Variants in ODF2 observed in about 807,000 individuals in gnomAD.
ODF2 encodes the protein outer dense fiber protein 2.
ODF2 carries 47 observed loss-of-function variants against 110.2 expected under a neutral mutation model. The ratio of observed to expected loss-of-function variants is 0.43; its 90% CI spans 0.34 to 0.54. The LOEUF (loss-of-function observed/expected upper bound fraction) is 0.54, where lower values mean the gene tolerates loss of function less well. Ranked by LOEUF, ODF2 falls within the 20% of genes least tolerant of loss-of-function variation. The probability of loss-of-function intolerance (pLI) is 0.03; values close to 1 mark genes in which losing one functional copy is unlikely to be tolerated. For synonymous variants in ODF2, 352 were observed against 397.7 expected (o/e 0.89, Z 1.37); for missense variants, 812 against 1,054.5 (o/e 0.77, Z 3.19).
intron 12 of ODF2, 21 bp downstream of exon 12, chr9:128,484,907 A>T (rs369034153): frequency 1.2e-6 from 2 of 1,608,196 alleles, no homozygotes; most frequent in African/African-American, 2.7e-5. Context: ...CGCGGTGCCC[A>T]GCTCCTCACC....
chr9:128,456,768 T>TCCCCCCCCCCC, intron 1 of ODF2: 1 of 832,094 alleles, frequency 1.2e-6, no homozygotes, highest in Non-Finnish European at 1.4e-6. Context: ...CGGGGGGGGG[T>TCCCCCCCCCCC]CCCGCCCGCC....
intron 3 of ODF2, 63 bp downstream of exon 2, chr9:128,459,720 C>A (rs1055193280): frequency 5.4e-6 from 7 of 1,301,968 alleles, no homozygotes; most frequent in Non-Finnish European, 5.5e-6. Context: ...TTTTGCACAC[C>A]GTTTCTAGGA....
intron 18 of ODF2, among the ~76,000 whole-genome samples, chr9:128,497,336 C>G (rs1274957512): frequency 1.4e-5 from 2 of 145,152 alleles, no homozygotes; most frequent in Admixed American, 1.4e-4. Context: ...GCCTGTAATC[C>G]CAGCGTTTTG....
chr9:128,491,788 T>C (rs2132208414), intron 14 of ODF2, among the ~76,000 whole-genome samples: 1 of 152,294 alleles, frequency 6.6e-6, no homozygotes, highest in African/African-American at 2.4e-5. Flanking sequence ...AACGAAAAAG[T>C]TATGCAGCTA....
intron 14 of ODF2, among the ~76,000 whole-genome samples, chr9:128,490,496 G>A (rs950707043): frequency 1.3e-5 from 2 of 152,096 alleles, no homozygotes; most frequent in African/African-American, 4.8e-5. Flanking sequence ...CGTTGGCCAG[G>A]CTGGTCTCGA....
chr9:128,461,042 C>T, exon 4 of ODF2: 2 of 1,614,162 alleles, frequency 1.2e-6, no homozygotes, highest in African/African-American at 1.3e-5. Context: ...AAATCATCTG[C>T]CCGGCCTGTG....
upstream of ODF2, chr9:128,456,134 C>A (rs1223032036): frequency 9.0e-6 from 14 of 1,547,578 alleles, no homozygotes; most frequent in Admixed American, 2.6e-4. Flanking sequence ...GAGGCGGAAG[C>A]GGGGAGGAGC....
intron 5 of ODF2, among the ~76,000 whole-genome samples, chr9:128,470,757 T>C (rs978692866): frequency 9.9e-5 from 15 of 152,134 alleles, no homozygotes; most frequent in Non-Finnish European, 1.9e-4. Flanking sequence ...CACAAGTCAC[T>C]GGGGCTCTCT....
intron 4 of ODF2, among the ~76,000 whole-genome samples, chr9:128,467,466 T>C (rs935140871): frequency 1.9e-4 from 29 of 151,970 alleles, no homozygotes; most frequent in Admixed American, 1.6e-3. Context: ...TATACATACC[T>C]GGATGTGGTG....
At chr9:128,461,143 G>T in intron 4 of ODF2, 76 bp downstream of exon 4, 1 of 1,548,728 alleles carries the variant, frequency 6.5e-7, no homozygotes, top group Non-Finnish European at 8.8e-7. Context: ...GTATGATTCA[G>T]GGTCAGCTAT....
intron 1 of ODF2, chr9:128,457,164 G>T (rs756941061): frequency 5.4e-6 from 8 of 1,486,822 alleles, no homozygotes; most frequent in Non-Finnish European, 7.2e-6. Flanking sequence ...CCCCCAGGTC[G>T]CTCAGCCTCT....
chr9:128,473,738 A>G (rs1840601116), exon 8 of ODF2: 1 of 1,612,934 alleles, frequency 6.2e-7, no homozygotes, highest in African/African-American at 1.3e-5. Flanking sequence ...AGCACTGCAA[A>G]GAGGTGAGCT....
intron 3 of ODF2, chr9:128,460,274 G>A (rs148822454): frequency 3.0e-4 from 406 of 1,360,658 alleles, no homozygotes; most frequent in Admixed American, 4.6e-4. Flanking sequence ...CCCTGGGGCC[G>A]GCGTCTGGGA....
At chr9:128,496,482 CTT>C (rs1025342236) in intron 18 of ODF2, among the ~76,000 whole-genome samples, 10 of 152,206 alleles carry the variant, frequency 6.6e-5, no homozygotes, top group Non-Finnish European at 1.5e-4. Context: ...CTTCCCCACT[CTT>C]TTCTGCCCTT....
At chr9:128,456,417 C>T (rs1301257938) in intron 1 of ODF2, 162 bp downstream of exon 1, 1 of 1,480,606 alleles carries the variant, frequency 6.8e-7, no homozygotes, top group Non-Finnish European at 8.9e-7. Flanking sequence ...GGGCCCCCGC[C>T]CCGCCCACCG....
chr9:128,461,768 A>C (rs1326569751), intron 4 of ODF2, among the ~76,000 whole-genome samples: 2 of 152,184 alleles, frequency 1.3e-5, no homozygotes, highest in African/African-American at 4.8e-5. Context: ...CCAGCAGTGA[A>C]AAGAAAAAAA....
intron 4 of ODF2, among the ~76,000 whole-genome samples, chr9:128,461,643 T>C (rs1265127889): frequency 6.6e-6 from 1 of 152,180 alleles, no homozygotes; most frequent in Non-Finnish European, 1.5e-5. Flanking sequence ...GGTCTCGAAC[T>C]CCTGACCTCA....
chr9:128,489,112 C>G (rs541214448), intron 14 of ODF2, among the ~76,000 whole-genome samples: 1 of 152,174 alleles, frequency 6.6e-6, no homozygotes, highest in Non-Finnish European at 1.5e-5. Flanking sequence ...GATTTGAACC[C>G]GAGTCTGACT....
rs200890559 is a variant in ODF2 at position 128,473,759 on chromosome 9, C to T, written c.843+18C>T. Reference sequence around the variant, plus strand: ...GCAAAGAGGTGAGCTTGGGGCCTGGCTCTTTCCCTCCAGCTCTGCATGCCC... The same window carrying T: ...GCAAAGAGGTGAGCTTGGGGCCTGGTTCTTTCCCTCCAGCTCTGCATGCCC... On this transcript the variant is annotated intron_variant, in intron 8 of 20. Coordinates refer to ENST00000604420, the Ensembl canonical transcript of ODF2. The T allele has an allele frequency of 3.7e-6, 6 of 1,609,570 alleles. No individual in the cohort carries two copies. In the Admixed American group the frequency reaches 6.7e-5, roughly 18 times the overall value.
Sources: allele counts gnomAD v4.1 joint callset (sites outside exome capture counted in the v4.1 genomes callset), GRCh38; gene constraint gnomAD v4.1.1; transcripts MANE v1.5; gene names NCBI Gene and HGNC (gene_info 2026-07-23, HGNC 2026-07-21).